HMGCLL1: variants seen among roughly 807,000 people sequenced by gnomAD.
The protein encoded by HMGCLL1 is 3-hydroxymethyl-3-methylglutaryl-CoA lyase, cytoplasmic.
Under a neutral mutation model 39.1 loss-of-function variants are expected in HMGCLL1, and 36 were observed. The ratio of observed to expected loss-of-function variants is 0.92; its 90% CI spans 0.71 to 1.22. HMGCLL1 has a LOEUF of 1.22. Ranked by LOEUF, HMGCLL1 falls within the 50% of genes most tolerant of loss-of-function variation. The probability of loss-of-function intolerance (pLI) is 0.00; values close to 1 mark genes in which losing one functional copy is unlikely to be tolerated. For synonymous variants in HMGCLL1, 149 were observed against 144.0 expected, an observed-to-expected ratio of 1.03 and a Z score of -0.25; for missense variants, 451 against 416.5, an observed-to-expected ratio of 1.08 and a Z score of -0.72.
At chr6:55,598,030 T>C in the HMGCLL1 span, among the ~76,000 whole-genome samples, 1 of 152,188 alleles carries the variant, frequency 6.6e-6, no homozygotes, top group Non-Finnish European at 1.5e-5. Context: ...AGGCTCACTG[T>C]AATGAAGACT....
the HMGCLL1 span, among the ~76,000 whole-genome samples, chr6:55,674,822 C>A: frequency 6.2e-3 from 941 of 152,116 alleles, 10 homozygotes; most frequent in African/African-American, 0.021. Context: ...AACAGCTGTT[C>A]TCTTTTTCCA....
At chr6:55,586,915 C>G in the HMGCLL1 span, among the ~76,000 whole-genome samples, 1 of 152,004 alleles carries the variant, frequency 6.6e-6, no homozygotes, top group African/African-American at 2.4e-5. Context: ...ATACTCAGTA[C>G]TGGCATGGCT....
the HMGCLL1 span, among the ~76,000 whole-genome samples, chr6:55,584,754 A>G: frequency 2.0e-5 from 3 of 152,204 alleles, no homozygotes; most frequent in African/African-American, 7.2e-5. Flanking sequence ...CAAGTGAACC[A>G]ATTGAAGTTC....
At chr6:55,462,241 A>C (rs1173229960) in intron 7 of HMGCLL1, among the ~76,000 whole-genome samples, 4 of 152,130 alleles carry the variant, frequency 2.6e-5, no homozygotes, top group Non-Finnish European at 5.9e-5. Context: ...TCCTCGTCTA[A>C]AATGCTGCCA....
At chr6:55,485,868 A>T (rs1320773656) in intron 7 of HMGCLL1, among the ~76,000 whole-genome samples, 1 of 151,510 alleles carries the variant, frequency 6.6e-6, no homozygotes, top group Non-Finnish European at 1.5e-5. Context: ...CTCTCTAAAA[A>T]CCCTTGACTT....
At chr6:55,516,682 T>C (rs1767758394) in intron 3 of HMGCLL1, 79 bp from the exon 4 acceptor site, 2 of 889,772 alleles carry the variant, frequency 2.2e-6, no homozygotes, top group Non-Finnish European at 1.8e-6. Context: ...AGGTAGGTTA[T>C]AGTTACATGG....
intron 7 of HMGCLL1, among the ~76,000 whole-genome samples, chr6:55,487,336 G>A (rs930981763): frequency 1.3e-5 from 2 of 152,012 alleles, no homozygotes. Flanking sequence ...TGGGATACAT[G>A]TGCAGAATGT....
chr6:55,553,540 G>GA (rs1354059927), intron 1 of HMGCLL1, among the ~76,000 whole-genome samples: 7 of 152,076 alleles, frequency 4.6e-5, no homozygotes, highest in African/African-American at 7.2e-5. Flanking sequence ...GAAAACATGA[G>GA]AAAATAATGT....
intron 7 of HMGCLL1, among the ~76,000 whole-genome samples, chr6:55,457,434 C>A (rs960409352): frequency 1.3e-5 from 2 of 152,122 alleles, no homozygotes; most frequent in African/African-American, 2.4e-5. Flanking sequence ...TCCCTCCCCC[C>A]ACATTTATTC....
chr6:55,620,650 C>T, the HMGCLL1 span, among the ~76,000 whole-genome samples: 1 of 146,648 alleles, frequency 6.8e-6, no homozygotes, highest in Non-Finnish European at 1.5e-5. Flanking sequence ...CACACAGACA[C>T]ACAGACACAC....
chr6:55,495,656 C>G, intron 6 of HMGCLL1, 49 bp from the exon 7 acceptor site: 2 of 1,413,894 alleles, frequency 1.4e-6, no homozygotes, highest in Non-Finnish European at 1.9e-6. Context: ...TGAAGAGACT[C>G]AAACCCTCTT....
intron 7 of HMGCLL1, among the ~76,000 whole-genome samples, chr6:55,465,878 G>A (rs1764778240): frequency 6.6e-6 from 1 of 151,950 alleles, no homozygotes; most frequent in Admixed American, 6.6e-5. Flanking sequence ...TGTTTTCCAT[G>A]AGGATTTTTT....
chr6:55,459,030 A>AATT (rs2127394426), intron 7 of HMGCLL1, among the ~76,000 whole-genome samples: 1 of 152,292 alleles, frequency 6.6e-6, no homozygotes, highest in South Asian at 2.1e-4. Flanking sequence ...GTGCAATATG[A>AATT]ATTTTATAAA....
chr6:55,650,118 TA>T, the HMGCLL1 span, among the ~76,000 whole-genome samples: 591 of 81,300 alleles, frequency 7.3e-3, 12 homozygotes, highest in Non-Finnish European at 9.4e-3. Flanking sequence ...TATATATATA[TA>T]TATATATATA....
chr6:55,649,877 G>A, the HMGCLL1 span, among the ~76,000 whole-genome samples: 1 of 150,936 alleles, frequency 6.6e-6, no homozygotes, highest in Non-Finnish European at 1.5e-5. Flanking sequence ...CAGAGATACT[G>A]ATGAATTTTT....
the HMGCLL1 span, among the ~76,000 whole-genome samples, chr6:55,587,889 C>T: frequency 6.6e-6 from 1 of 152,068 alleles, no homozygotes; most frequent in Admixed American, 6.5e-5. Flanking sequence ...TACAGGAGCA[C>T]CCAGATTCAT....
At chr6:55,562,513 G>A (rs1444087947) in intron 1 of HMGCLL1, among the ~76,000 whole-genome samples, 1 of 152,114 alleles carries the variant, frequency 6.6e-6, no homozygotes, top group African/African-American at 2.4e-5. Flanking sequence ...ACCACCAGTT[G>A]CCCTGCCCTG....
At chr6:55,534,884 A>G (rs1768924481) in intron 3 of HMGCLL1, among the ~76,000 whole-genome samples, 1 of 152,216 alleles carries the variant, frequency 6.6e-6, no homozygotes. Flanking sequence ...GAATATATAC[A>G]TTTGCACAAA....
At chr6:55,553,298 C>G (rs1396538356) in intron 1 of HMGCLL1, among the ~76,000 whole-genome samples, 1 of 126,922 alleles carries the variant, frequency 7.9e-6, no homozygotes, top group Non-Finnish European at 1.7e-5. Flanking sequence ...ACTAGCAGGG[C>G]ATGGTGGTGC....
Sources: allele counts gnomAD v4.1 joint callset (sites outside exome capture counted in the v4.1 genomes callset), GRCh38; gene constraint gnomAD v4.1.1; transcripts MANE v1.5; gene names NCBI Gene and HGNC (gene_info 2026-07-23, HGNC 2026-07-21).